The following PPM1N variants were observed in gnomAD, a reference collection of about 807,000 sequenced individuals.
PPM1N encodes the protein probable protein phosphatase 1N.
In PPM1N, 35 loss-of-function variants were observed where a neutral mutation model predicts 32.6. That is an observed-to-expected ratio of 1.07 (90% CI 0.82 to 1.43). PPM1N has a LOEUF of 1.43. Among genes scored for constraint, PPM1N ranks in the 40% most tolerant of loss-of-function variants. The pLI, the probability that PPM1N is intolerant of heterozygous loss-of-function variation, is 0.00. For synonymous variants in PPM1N, 275 were observed against 270.5 expected, an observed-to-expected ratio of 1.02 and a Z score of -0.16; for missense variants, 648 against 606.6, an observed-to-expected ratio of 1.07 and a Z score of -0.72.
rs1599919156 is a variant in PPM1N at position 45,498,871 on chromosome 19, C to T, written c.399C>T (p.Pro133=). The T allele has an allele frequency of 3.3e-6, 5 of 1,517,434 alleles. No homozygotes were observed. Among genetic ancestry groups the T allele is most frequent in the Non-Finnish European group, 4.4e-6 (5 of 1,142,438 alleles). 94.0% of individuals were successfully genotyped at this position (1,517,434 alleles called of 1,614,324 possible). ...AGCTGGGCCCGGAGCCTAGCGAGCC[C>T]GAGGGCGTGCGCGAGGCGCTGCGCC... ...LQELGPEPSE[P]EGVREALRRA... is the part of the protein sequence containing the mutation. The change falls in exon 1 of 5, where the codon CCC becomes CCT. Residue 133 remains proline, a synonymous_variant. Transcript: ENST00000451287.
At chr19:45,499,517 G>T (rs770766462) in intron 1 of PPM1N, 106 bp downstream of exon 1, 31 of 1,559,838 alleles carry the variant, frequency 2.0e-5, no homozygotes, top group Non-Finnish European at 2.5e-5. Flanking sequence ...AGTAAAGCTA[G>T]CAAAGGAGGG....
Position 45,499,161 on chromosome 19 carries a change from C to A in PPM1N, c.689C>A (p.Ser230Ter). 6.5e-7 allele frequency: 1 copy of A among 1,527,074 alleles called. No homozygotes were observed. 94.6% of individuals were successfully genotyped at this position (1,527,074 alleles called of 1,614,324 possible). A position where few individuals can be genotyped will look rare whatever the true frequency, so the allele number is the denominator to read the frequency against. The change falls in exon 1 of 5, where the codon TCG becomes TAG. Residue 230 changes from serine to a stop codon, truncating the protein, a stop_gained. Transcript: ENST00000451287. LOFTEE classifies it high-confidence loss of function. ...RRRVEGSLAV[S>*]RALGDFTYKE... ...CGCGTCGAGGGCTCTCTGGCCGTGT[C>A]GCGAGCGTTGGGCGACTTTACCTAC...
chr19:45,502,197 G>T lies in PPM1N; in HGVS notation c.*112G>T. On this transcript the variant is annotated 3_prime_UTR_variant, in exon 5 of 5. Transcript: ENST00000451287. ...ACCAGCGGAAGGAAGGAAGGCCAAT[G>T]TAGGAACCCAAAATGCTTATTTCTT... The T allele has an allele frequency of 2.6e-6, 2 of 769,810 alleles. No individual in the cohort carries two copies. The highest frequency in any genetic ancestry group is 4.3e-6 in the Non-Finnish European group (2 of 461,550). The allele number at this position is 769,810 out of a possible 1,614,324, so 47.7% of individuals were successfully genotyped here.
intron 4 of PPM1N, 43 bp downstream of exon 4, chr19:45,500,753 G>GTCCCCCCCCCC: frequency 6.8e-7 from 1 of 1,478,564 alleles, no homozygotes; most frequent in Non-Finnish European, 9.2e-7. Context: ...AGGAGGGGAC[G>GTCCCCCCCCCC]CCCCCCCGCC....
chr19:45,499,362 T>TGGCCCC lies in PPM1N; in HGVS notation c.891_896dup (p.Ala298_Pro299dup). On this transcript the variant is annotated inframe_insertion, in exon 1 of 5. Transcript: ENST00000451287. ...GTGGCTTCACGCCTCCGCTTGGGCC[T>TGGCCCC]GGCCCCAGAGCTTCTCTGCGCGCAG... 6.2e-7 allele frequency: 1 copy of TGGCCCC among 1,610,920 alleles called. No homozygotes were observed. The highest frequency in any genetic ancestry group is 8.5e-7 in the Non-Finnish European group (1 of 1,178,976).
At chr19:45,499,447 G>A in intron 1 of PPM1N, 36 bp downstream of exon 1, 1 of 1,597,800 alleles carries the variant, frequency 6.3e-7, no homozygotes. Flanking sequence ...TTGGGGCTTG[G>A]TGCAGCAGAG....
Position 45,498,987 on chromosome 19 carries a change from C to A in PPM1N, c.515C>A (p.Pro172Gln). 1 of 1,563,728 alleles carries A rather than the reference C, an allele frequency of 6.4e-7. No individual in the cohort carries two copies. Among genetic ancestry groups the A allele is most frequent in the East Asian group, 2.4e-5 (1 of 42,026 alleles). The change falls in exon 1 of 5, where the codon CCG (proline) becomes CAG (glutamine). Residue 172 changes from proline to glutamine, a missense_variant. Physicochemically the swap from Pro to Gln is moderately conservative, Grantham distance 76. Coordinates refer to ENST00000451287, the MANE Select transcript of PPM1N (RefSeq NM_001080401.2). ...ACGGCCGTGGTGTTGCTGGTCTCCC[C>A]GCGGTTTCTGTACCTGGCGCACTGC... is the stretch of plus-strand genomic sequence containing the variant. ...GCTAVVLLVS[P>Q]RFLYLAHCGD... is the part of the protein sequence containing the mutation.
At position 45,499,945 on chromosome 19, in the gene PPM1N, T is replaced by C; in HGVS notation, c.940-4T>C. On this transcript the variant is annotated splice_region_variant and splice_polypyrimidine_tract_variant and intron_variant, in intron 1 of 4. Coordinates refer to ENST00000451287, the MANE Select transcript of PPM1N (RefSeq NM_001080401.2). ...CCGGGCTCCTTTTTCTCCACCGGCTTCAGGGCAGCCTGGACAACATGACCT... is the reference window on the plus strand; with the variant it reads ...CCGGGCTCCTTTTTCTCCACCGGCTCCAGGGCAGCCTGGACAACATGACCT... The C allele has an allele frequency of 6.4e-7, 1 of 1,573,462 alleles. No homozygotes were observed. Among genetic ancestry groups the C allele is most frequent in the Non-Finnish European group, 8.6e-7 (1 of 1,158,254 alleles).
chr19:45,502,316 A>G lies in PPM1N; in HGVS notation c.*231A>G, dbSNP rs1162980677. The G allele has an allele frequency of 4.1e-6, 2 of 483,402 alleles. No individual in the cohort carries two copies. The highest frequency in any genetic ancestry group is 4.7e-5 in the Admixed American group (1 of 21,482). 29.9% of individuals were successfully genotyped at this position (483,402 alleles called of 1,614,324 possible). On this transcript the variant is annotated 3_prime_UTR_variant, in exon 5 of 5. Coordinates refer to ENST00000451287, the MANE Select transcript of PPM1N (RefSeq NM_001080401.2). Reference sequence around the variant, plus strand: ...AGAAAAAAGCCCAAATCGAAAAAAAAAAAAAAAAAAAAAAAAAACAAAAAA... The same window carrying G: ...AGAAAAAAGCCCAAATCGAAAAAAAGAAAAAAAAAAAAAAAAAACAAAAAA...
intron 4 of PPM1N, among the ~76,000 whole-genome samples, chr19:45,501,221 A>G (rs1298482046): frequency 1.3e-5 from 2 of 152,198 alleles, no homozygotes; most frequent in African/African-American, 2.4e-5. Context: ...GACCAATTCT[A>G]AGGCCTAGAC....
intron 4 of PPM1N, 77 bp from the exon 5 acceptor site, chr19:45,501,940 C>A: frequency 1.0e-6 from 1 of 958,854 alleles, no homozygotes; most frequent in Non-Finnish European, 1.5e-6. Context: ...ATATGGTGGT[C>A]CCTCAAAGGA....
At position 45,499,369 on chromosome 19, in the gene PPM1N, A is replaced by G. The variant is rs753198778; in HGVS notation, c.897A>G (p.Pro299=). The part of the protein sequence containing the change: ...VASRLRLGLA[P]ELLCAQLLDT... The stretch of plus-strand genomic sequence containing the variant: ...CACGCCTCCGCTTGGGCCTGGCCCC[A>G]GAGCTTCTCTGCGCGCAGCTGTTGG... The change falls in exon 1 of 5, where the codon CCA becomes CCG. Residue 299 remains proline, a synonymous_variant. Transcript: ENST00000451287. 2 of 1,609,248 alleles carry G rather than the reference A, an allele frequency of 1.2e-6. No homozygotes were observed. The highest frequency in any genetic ancestry group is 1.1e-5 in the South Asian group (1 of 90,594).
rs568981422 is a variant in PPM1N at position 45,498,631 on chromosome 19, G to A, written c.159G>A (p.Gln53=). Residue 53 remains glutamine, a synonymous_variant, in exon 1 of 5, where the codon CAG becomes CAA. Coordinates refer to ENST00000451287, the MANE Select transcript of PPM1N (RefSeq NM_001080401.2). ...TGTTGACAGCGCCGCGCCGCGCCCAGCGGCCGCACGGGGGTGCCGAGGCGT... is the reference window on the plus strand; with the variant it reads ...TGTTGACAGCGCCGCGCCGCGCCCAACGGCCGCACGGGGGTGCCGAGGCGT... The part of the protein sequence containing the change: ...RSLLTAPRRA[Q]RPHGGAEASG... The A allele has an allele frequency of 1.7e-5, 24 of 1,413,918 alleles. No individual in the cohort carries two copies. Among genetic ancestry groups the A allele is most frequent in the Admixed American group, 3.6e-5 (1 of 28,152 alleles). The allele number at this position is 1,413,918 out of a possible 1,614,324, so 87.6% of individuals were successfully genotyped here.
Position 45,499,338 on chromosome 19 carries a change from T to C in PPM1N, c.866T>C (p.Val289Ala). Residue 289 changes from valine (V) to alanine (A), a missense_variant, in exon 1 of 5, where the codon GTG (valine) becomes GCG (alanine). By Grantham distance (64) the Val-to-Ala change is moderately conservative. Coordinates refer to ENST00000451287, the MANE Select transcript of PPM1N (RefSeq NM_001080401.2). ...TVSGAALAGL[V>A]ASRLRLGLAP... ...TCTGGTGCTGCCCTGGCGGGACTGG[T>C]GGCTTCACGCCTCCGCTTGGGCCTG... 6.2e-7 allele frequency: 1 copy of C among 1,612,684 alleles called. No homozygotes were observed. Among genetic ancestry groups the C allele is most frequent in the Non-Finnish European group, 8.5e-7 (1 of 1,179,762 alleles).
In PPM1N at chr19:45,502,177, C is replaced by A. The variant is rs761323361; in HGVS notation, c.*92C>A. 11 of 1,015,224 alleles carry A rather than the reference C, an allele frequency of 1.1e-5. No homozygotes were observed. The South Asian group carries it at 1.1e-4, about 10-fold the overall frequency. The allele number at this position is 1,015,224 out of a possible 1,614,324, so 62.9% of individuals were successfully genotyped here. A position where few individuals can be genotyped will look rare whatever the true frequency, so the allele number is the denominator to read the frequency against. ...CCCTTTCCCCAACTACATGTACCAG[C>A]GGAAGGAAGGAAGGCCAATGTAGGA... On this transcript the variant is annotated 3_prime_UTR_variant, in exon 5 of 5. Coordinates refer to ENST00000451287, the MANE Select transcript of PPM1N (RefSeq NM_001080401.2).
At position 45,499,256 on chromosome 19, in the gene PPM1N, C is replaced by A. The variant is rs375570529; in HGVS notation, c.784C>A (p.Arg262Ser). ...SAEPEVAALARQAEDEFMLLA... is the reference protein window; with the variant it reads ...SAEPEVAALASQAEDEFMLLA... ...GGAGCCAGAGGTGGCCGCACTGGCA[C>A]GCCAGGCTGAGGACGAGTTCATGCT... The change falls in exon 1 of 5, where the codon CGC becomes AGC. Residue 262 changes from arginine to serine, a missense_variant. By Grantham distance (110) the Arg-to-Ser change is moderately radical. Coordinates refer to ENST00000451287, the MANE Select transcript of PPM1N (RefSeq NM_001080401.2). 2.5e-6 allele frequency: 4 copies of A among 1,608,376 alleles called. No individual in the cohort carries two copies. The highest frequency in any genetic ancestry group is 3.4e-6 in the Non-Finnish European group (4 of 1,178,354).
Position 45,498,525 on chromosome 19 carries a change from A to G in PPM1N, c.53A>G (p.Lys18Arg). Reference sequence around the variant, plus strand: ...CGTCTCCTCTGGACCGCTTGCAAGAAAAAGGAGAGGGAGAAGGAGGGGAGG... The same window carrying G: ...CGTCTCCTCTGGACCGCTTGCAAGAGAAAGGAGAGGGAGAAGGAGGGGAGG... ...LQRLLWTACK[K>R]KEREKEGREE... is the part of the protein sequence containing the mutation. Residue 18 changes from lysine to arginine, a missense_variant, in exon 1 of 5, where the codon AAA becomes AGA. By Grantham distance (26) the Lys-to-Arg change is conservative (BLOSUM62 2). Transcript: ENST00000451287. The G allele has an allele frequency of 2.1e-6, 3 of 1,419,374 alleles. No individual in the cohort carries two copies. The highest frequency in any genetic ancestry group is 2.7e-6 in the Non-Finnish European group (3 of 1,091,598). The allele number at this position is 1,419,374 out of a possible 1,614,324, so 87.9% of individuals were successfully genotyped here. A position where few individuals can be genotyped will look rare whatever the true frequency, so the allele number is the denominator to read the frequency against.
At position 45,498,961 on chromosome 19, in the gene PPM1N, C is replaced by CAA. The variant is rs1233860992; in HGVS notation, c.490_491insAA (p.Thr164LysfsTer25). On this transcript the variant is annotated frameshift_variant, in exon 1 of 5. Transcript: ENST00000451287. LOFTEE classifies it high-confidence loss of function. ...GGCCCCGCGTGGAAACGGGCGGCTG[C>CAA]ACGGCCGTGGTGTTGCTGGTCTCCC... 1.3e-6 allele frequency: 2 copies of CAA among 1,557,004 alleles called. No homozygotes were observed. Among genetic ancestry groups the CAA allele is most frequent in the Admixed American group, 1.9e-5 (1 of 54,008 alleles).
chr19:45,501,846 G>A (rs550136967), intron 4 of PPM1N, among the ~76,000 whole-genome samples, 171 bp from the exon 5 acceptor site: 1 of 152,254 alleles, frequency 6.6e-6, no homozygotes, highest in East Asian at 1.9e-4. Flanking sequence ...ATGCTGACCA[G>A]TCACTGTGTC....
Sources: allele counts gnomAD v4.1 joint callset (sites outside exome capture counted in the v4.1 genomes callset), GRCh38; gene constraint gnomAD v4.1.1; transcripts MANE v1.5; gene names NCBI Gene and HGNC (gene_info 2026-07-23, HGNC 2026-07-21).